ATG7: variants seen among roughly 807,000 people sequenced by gnomAD.
The protein encoded by ATG7 is ubiquitin-like modifier-activating enzyme ATG7.
A neutral mutation model predicts 82.4 loss-of-function variants in ATG7; 70 were observed. The observed-to-expected ratio is 0.85, with a 90% CI of 0.70 to 1.04. The LOEUF (loss-of-function observed/expected upper bound fraction) is 1.04, where lower values mean the gene tolerates loss of function less well. Among genes scored for constraint, ATG7 ranks in the 50% least tolerant of loss-of-function variants. The pLI is 0.00. For missense variants in ATG7, 792 were observed against 864.3 expected (o/e 0.92, Z 1.05); for synonymous variants, 287 against 313.0 (o/e 0.92, Z 0.88).
chr3:11,355,003 A>T (rs2075836525), intron 14 of ATG7, among the ~76,000 whole-genome samples: 1 of 152,228 alleles, frequency 6.6e-6, no homozygotes, highest in African/African-American at 2.4e-5. Flanking sequence ...AACAACCAGA[A>T]TTCAGAGCAG....
rs187715395 is a variant in ATG7 at position 11,291,458 on chromosome 3, G to A, written c.-10-7228G>A. 3.9e-5 allele frequency among the ~76,000 whole-genome samples: 6 copies of A among 152,154 alleles called. 1 individual carries two copies. Among genetic ancestry groups the A allele is most frequent in the Admixed American group, 1.3e-4 (2 of 15,272 alleles). On this transcript the variant is annotated intron_variant, in intron 3 of 20. Coordinates refer to ENST00000693202, the MANE Select transcript of ATG7 (RefSeq NM_001349232.2). ...CAGGGGCTTTGAAGCTAGCAGACCC[G>A]GGTTATCATCTCAGCTCTACCACTT...
intron 20 of ATG7, among the ~76,000 whole-genome samples, chr3:11,473,164 A>G (rs1221221579): frequency 6.6e-6 from 1 of 152,218 alleles, no homozygotes; most frequent in Non-Finnish European, 1.5e-5. Flanking sequence ...ATAAAACATT[A>G]TAGCACTTTG....
intron 20 of ATG7, among the ~76,000 whole-genome samples, chr3:11,554,047 C>T (rs571948855): frequency 1.3e-5 from 2 of 152,298 alleles, no homozygotes; most frequent in Admixed American, 6.5e-5. Flanking sequence ...GGGCTCTCTC[C>T]CTGGGGGCTG....
In ATG7 at chr3:11,554,005, C is replaced by T. The variant is rs537760112; in HGVS notation, c.2080-806C>T. Among the ~76,000 whole-genome samples, 5 of 152,264 alleles carry T rather than the reference C, an allele frequency of 3.3e-5. 1 individual carries two copies. The highest frequency in any genetic ancestry group is 1.2e-4 in the African/African-American group (5 of 41,554). On this transcript the variant is annotated intron_variant, in intron 20 of 20. Transcript: ENST00000693202. ...CTGGCCCTCCAGGGAGCCCTGGGTG[C>T]CAGGGGCCCTGGGACCTGCTGTGCT...
intron 18 of ATG7, among the ~76,000 whole-genome samples, chr3:11,371,942 C>T (rs992108380): frequency 1.3e-5 from 2 of 151,480 alleles, no homozygotes; most frequent in East Asian, 1.9e-4. Context: ...CCGGACCACA[C>T]GCTGTCCAGC....
chr3:11,391,965 G>T (rs563026210), intron 19 of ATG7, among the ~76,000 whole-genome samples: 3 of 141,992 alleles, frequency 2.1e-5, no homozygotes, highest in South Asian at 4.8e-4. Flanking sequence ...TATTGGGGGG[G>T]GGGTAATTTC....
At chr3:11,346,334 C>CA (rs1954546017) in intron 13 of ATG7, among the ~76,000 whole-genome samples, 1 of 152,174 alleles carries the variant, frequency 6.6e-6, no homozygotes, top group Non-Finnish European at 1.5e-5. Context: ...GTCAGTATGT[C>CA]AGATTATTTC....
At chr3:11,377,814 T>C (rs965290742) in intron 18 of ATG7, among the ~76,000 whole-genome samples, 1 of 152,140 alleles carries the variant, frequency 6.6e-6, no homozygotes, top group African/African-American at 2.4e-5. Context: ...TCGTGAAGAT[T>C]TCAGCATTCC....
intron 20 of ATG7, among the ~76,000 whole-genome samples, chr3:11,475,897 ACACACACACACC>A (rs1303820012): frequency 1.3e-4 from 19 of 150,392 alleles, no homozygotes; most frequent in South Asian, 4.3e-4. Flanking sequence ...ACACACACAC[ACACACACACACC>A]CCCTCCCAGA....
intron 20 of ATG7, chr3:11,510,395 A>C: frequency 2.5e-6 from 1 of 407,622 alleles, no homozygotes; most frequent in Non-Finnish European, 4.9e-6. Context: ...AAAAAAAAAA[A>C]AATCTGAGTT....
chr3:11,292,255 T>TC (rs1369478864), intron 3 of ATG7, among the ~76,000 whole-genome samples: 1 of 136,216 alleles, frequency 7.3e-6, no homozygotes, highest in African/African-American at 2.9e-5. Flanking sequence ...TCTTTCTTTC[T>TC]TTTTTTTTTT....
In ATG7 at chr3:11,475,253, G is replaced by A. The variant is rs1460364199; in HGVS notation, c.2079+48327G>A. Among the ~76,000 whole-genome samples, 7 of 152,058 alleles carry A rather than the reference G, an allele frequency of 4.6e-5. 1 individual carries two copies. The highest frequency in any genetic ancestry group is 7.4e-5 in the Non-Finnish European group (5 of 68,012). ...AATACCTACTGTGTTCCAGTCATGC[G>A]GGTTTATGTGCATTCCCTCCTCAAG... On this transcript the variant is annotated intron_variant, in intron 20 of 20. Transcript: ENST00000693202.
intron 9 of ATG7, among the ~76,000 whole-genome samples, chr3:11,323,753 CTCTT>C (rs1421543559): frequency 6.6e-6 from 1 of 152,226 alleles, no homozygotes. Flanking sequence ...GTTAGTTGGG[CTCTT>C]TCTTCACTTA....
At chr3:11,460,129 A>G (rs928532475) in intron 20 of ATG7, among the ~76,000 whole-genome samples, 3 of 152,198 alleles carry the variant, frequency 2.0e-5, no homozygotes, top group Admixed American at 6.5e-5. Context: ...TACATGACCA[A>G]CCAGATGGAT....
At chr3:11,390,491 CAGA>C (rs2078709997) in intron 19 of ATG7, among the ~76,000 whole-genome samples, 2 of 152,216 alleles carry the variant, frequency 1.3e-5, no homozygotes, top group Non-Finnish European at 2.9e-5. Flanking sequence ...TCCCACTCAG[CAGA>C]AGGACTGCAG....
intron 19 of ATG7, among the ~76,000 whole-genome samples, chr3:11,413,845 C>T (rs1399024950): frequency 6.6e-6 from 1 of 152,134 alleles, no homozygotes; most frequent in Admixed American, 6.5e-5. Context: ...CCAGTGGAAC[C>T]ATCAGGTGCA....
intron 9 of ATG7, among the ~76,000 whole-genome samples, chr3:11,323,671 A>G (rs1950493928): frequency 6.6e-6 from 1 of 152,242 alleles, no homozygotes; most frequent in African/African-American, 2.4e-5. Flanking sequence ...TTTCAACAAC[A>G]TTAGCCTTTA....
At chr3:11,428,675 A>G (rs1035020968) in intron 20 of ATG7, among the ~76,000 whole-genome samples, 5 of 152,190 alleles carry the variant, frequency 3.3e-5, no homozygotes, top group Admixed American at 6.5e-5. Flanking sequence ...TGTCTGCCGT[A>G]TTATCTTTTA....
chr3:11,449,920 G>A (rs1027048104), intron 20 of ATG7, among the ~76,000 whole-genome samples: 1 of 152,242 alleles, frequency 6.6e-6, no homozygotes, highest in African/African-American at 2.4e-5. Context: ...AAGCCCTGGA[G>A]TTGAAGTAAA....
Sources: allele counts gnomAD v4.1 joint callset (sites outside exome capture counted in the v4.1 genomes callset), GRCh38; gene constraint gnomAD v4.1.1; transcripts MANE v1.5; gene names NCBI Gene and HGNC (gene_info 2026-07-23, HGNC 2026-07-21).